RALYL: variants seen among roughly 807,000 people sequenced by gnomAD.
The protein encoded by RALYL is RNA-binding Raly-like protein.
Under a neutral mutation model 35.1 loss-of-function variants are expected in RALYL, and 29 were observed. That is an observed-to-expected ratio of 0.83 (90% confidence interval 0.61 to 1.13). The LOEUF (loss-of-function observed/expected upper bound fraction) is 1.13, where lower values mean the gene tolerates loss of function less well. Among genes scored for constraint, RALYL ranks in the 50% most tolerant of loss-of-function variants. The pLI, the probability that RALYL is intolerant of heterozygous loss-of-function variation, is 0.00. For missense variants in RALYL, 359 were observed against 360.4 expected (o/e 1.00, Z 0.03); for synonymous variants, 120 against 127.6 (o/e 0.94, Z 0.40).
intron 3 of RALYL, among the ~76,000 whole-genome samples, chr8:84,799,921 A>C (rs1586361322): frequency 6.6e-6 from 1 of 152,162 alleles, no homozygotes. Flanking sequence ...ACGCCACTGC[A>C]CTCCAGCCTG....
chr8:84,457,929 A>G (rs2050324240), intron 1 of RALYL, among the ~76,000 whole-genome samples: 1 of 151,844 alleles, frequency 6.6e-6, no homozygotes, highest in African/African-American at 2.4e-5. Flanking sequence ...TTGACAAGAT[A>G]TCAAACTGTA....
intron 2 of RALYL, among the ~76,000 whole-genome samples, chr8:84,566,914 T>C (rs2061821401): frequency 6.6e-6 from 1 of 151,724 alleles, no homozygotes; most frequent in Admixed American, 6.6e-5. Context: ...ACTGTGTTAA[T>C]ACATTTGAAT....
chr8:84,560,387 A>G (rs887345703), intron 2 of RALYL, among the ~76,000 whole-genome samples: 5 of 152,208 alleles, frequency 3.3e-5, no homozygotes, highest in African/African-American at 1.2e-4. Context: ...CAGCAACAAA[A>G]GGTAGAAACT....
intron 2 of RALYL, among the ~76,000 whole-genome samples, chr8:84,741,108 C>T (rs1358751552): frequency 1.1e-4 from 16 of 151,960 alleles, no homozygotes; most frequent in East Asian, 5.8e-4. Context: ...TTGGGAGCAA[C>T]GGTCATTTTA....
chr8:84,320,214 A>G (rs558211304), intron 1 of RALYL, among the ~76,000 whole-genome samples: 84 of 152,098 alleles, frequency 5.5e-4, no homozygotes, highest in Non-Finnish European at 9.7e-4. Flanking sequence ...TATAATAACA[A>G]CCATTGTTCT....
At position 84,755,873 on chromosome 8, in the gene RALYL, TAA is replaced by T. The variant is rs200896745; in HGVS notation, c.257-18693_257-18692del. ...AAAAAAGGCAAAATGTGGCATATTG[TAA>T]AAAAAAAAAAAATCCTCTTACCAAG... On this transcript the variant is annotated intron_variant, in intron 2 of 8. Coordinates refer to ENST00000521268, the MANE Select transcript of RALYL (RefSeq NM_173848.7). Among the ~76,000 whole-genome samples the T allele has an allele frequency of 1.4e-3, 206 of 145,262 alleles. 1 individual carries two copies. In the East Asian group the frequency reaches 0.02, roughly 14 times the overall value.
chr8:84,523,209 C>T (rs10453097), intron 1 of RALYL, among the ~76,000 whole-genome samples: 53,213 of 151,640 alleles, frequency 0.35, 9,587 homozygotes, highest in South Asian at 0.51. Context: ...ACAATCATGG[C>T]GGAAGGTGAA....
chr8:84,337,328 TG>T (rs1335751049), intron 1 of RALYL, among the ~76,000 whole-genome samples: 2 of 150,268 alleles, frequency 1.3e-5, no homozygotes, highest in Non-Finnish European at 3.0e-5. Flanking sequence ...AGGAATGAAT[TG>T]TTTTTTTTTT....
chr8:84,573,365 T>A (rs1808502954), intron 2 of RALYL, among the ~76,000 whole-genome samples: 1 of 151,716 alleles, frequency 6.6e-6, no homozygotes, highest in African/African-American at 2.4e-5. Context: ...TCCTATCAGG[T>A]CCTCCAAAAT....
At chr8:84,824,338 AC>A (rs1829186818) in intron 4 of RALYL, among the ~76,000 whole-genome samples, 2 of 152,144 alleles carry the variant, frequency 1.3e-5, no homozygotes, top group South Asian at 4.1e-4. Context: ...GAACTACAAA[AC>A]ACTGTTCAAA....
chr8:84,498,727 G>A (rs1375313189), intron 1 of RALYL, among the ~76,000 whole-genome samples: 2 of 151,914 alleles, frequency 1.3e-5, no homozygotes, highest in Non-Finnish European at 2.9e-5. Flanking sequence ...GAGAAATAAA[G>A]TAATGATAAC....
intron 1 of RALYL, among the ~76,000 whole-genome samples, chr8:84,285,327 T>C (rs2132136682): frequency 6.6e-6 from 1 of 152,296 alleles, no homozygotes; most frequent in Middle Eastern, 3.4e-3. Flanking sequence ...GTATAGAAAA[T>C]ATATTTTGAC....
At chr8:84,848,081 T>C (rs1251778908) in intron 4 of RALYL, among the ~76,000 whole-genome samples, 1 of 152,214 alleles carries the variant, frequency 6.6e-6, no homozygotes, top group Non-Finnish European at 1.5e-5. Flanking sequence ...AAATTATTCC[T>C]CCATTATATA....
intron 2 of RALYL, among the ~76,000 whole-genome samples, chr8:84,574,098 T>C (rs944632016): frequency 1.3e-5 from 2 of 152,050 alleles, no homozygotes; most frequent in African/African-American, 4.8e-5. Flanking sequence ...TTAAAGAGTT[T>C]AGGCTTTAAT....
intron 1 of RALYL, among the ~76,000 whole-genome samples, chr8:84,370,679 G>A (rs1040440280): frequency 2.0e-5 from 3 of 152,040 alleles, no homozygotes; most frequent in African/African-American, 4.8e-5. Flanking sequence ...AGGTGGAAGT[G>A]TTTAGAATCT....
At chr8:84,560,880 A>G (rs1375576873) in intron 2 of RALYL, among the ~76,000 whole-genome samples, 1 of 151,958 alleles carries the variant, frequency 6.6e-6, no homozygotes, top group Non-Finnish European at 1.5e-5. Flanking sequence ...AGAGTTACCT[A>G]TTCTCTATTT....
intron 3 of RALYL, among the ~76,000 whole-genome samples, chr8:84,778,606 G>C (rs1165321442): frequency 6.6e-6 from 1 of 152,198 alleles, no homozygotes; most frequent in Non-Finnish European, 1.5e-5. Context: ...GCTGACTTTT[G>C]AAGGGAAAGA....
At chr8:84,464,756 A>G (rs2051320832) in intron 1 of RALYL, among the ~76,000 whole-genome samples, 1 of 150,950 alleles carries the variant, frequency 6.6e-6, no homozygotes, top group Non-Finnish European at 1.5e-5. Context: ...CAGTCCCACC[A>G]ACAGTGTAAA....
chr8:84,295,085 C>A (rs146911027), intron 1 of RALYL, among the ~76,000 whole-genome samples: 22 of 152,206 alleles, frequency 1.4e-4, no homozygotes, highest in Non-Finnish European at 2.8e-4. Context: ...GAAATTGTTT[C>A]TTATCTGGGT....
Sources: gnomAD v4.1 joint callset for allele counts (sites outside exome capture counted in the v4.1 genomes callset) on GRCh38, gnomAD v4.1.1 for gene constraint, MANE v1.5 for transcripts, NCBI Gene and HGNC (gene_info 2026-07-23, HGNC 2026-07-21) for gene names.